SLC22A23: variants seen among roughly 807,000 people sequenced by gnomAD.
SLC22A23 encodes the protein ion transporter protein.
A neutral mutation model predicts 61.0 loss-of-function variants in SLC22A23; 26 were observed. The ratio of observed to expected loss-of-function variants is 0.43; its 90% confidence interval spans 0.31 to 0.59. The LOEUF (loss-of-function observed/expected upper bound fraction) is 0.59. Ranked by LOEUF, SLC22A23 falls within the 20% of genes least tolerant of loss-of-function variation. The pLI is 0.11. For missense variants in SLC22A23, 796 were observed against 934.7 expected, an observed-to-expected ratio of 0.85 and a Z score of 1.94; for synonymous variants, 430 against 413.9, an observed-to-expected ratio of 1.04 and a Z score of -0.47.
intron 1 of SLC22A23, chr6:3,432,422 C>T: frequency 1.0e-6 from 1 of 983,434 alleles, no homozygotes; most frequent in Non-Finnish European, 1.2e-6. Flanking sequence ...ATCTTCCTTG[C>T]TGTTGTGTAC....
At chr6:3,379,099 G>A (rs571074445) in intron 3 of SLC22A23, among the ~76,000 whole-genome samples, 1 of 152,324 alleles carries the variant, frequency 6.6e-6, no homozygotes, top group Non-Finnish European at 1.5e-5. Context: ...TTTCTCCACA[G>A]TGTAATTCTG....
chr6:3,278,560 C>T (rs1054783617), intron 9 of SLC22A23, among the ~76,000 whole-genome samples: 5 of 152,208 alleles, frequency 3.3e-5, no homozygotes, highest in Admixed American at 6.5e-5. Flanking sequence ...TCAACAGGCA[C>T]GTGCTGTTTG....
At chr6:3,392,950 C>T (rs549818137) in intron 3 of SLC22A23, among the ~76,000 whole-genome samples, 2 of 152,238 alleles carry the variant, frequency 1.3e-5, no homozygotes, top group East Asian at 3.9e-4. Flanking sequence ...TCTAGCAGAG[C>T]AGACACACAG....
At chr6:3,362,281 G>C (rs1050987922) in intron 3 of SLC22A23, among the ~76,000 whole-genome samples, 2 of 151,320 alleles carry the variant, frequency 1.3e-5, no homozygotes, top group African/African-American at 2.4e-5. Context: ...GCATGCGCCT[G>C]TAGTCCCAGC....
chr6:3,341,757 A>C (rs193016185), intron 3 of SLC22A23, among the ~76,000 whole-genome samples: 260 of 151,162 alleles, frequency 1.7e-3, no homozygotes, highest in African/African-American at 6.1e-3. Flanking sequence ...GTTGTGACCG[A>C]AGCTTCCCTG....
At chr6:3,377,235 C>T (rs937436454) in intron 3 of SLC22A23, among the ~76,000 whole-genome samples, 3 of 152,136 alleles carry the variant, frequency 2.0e-5, no homozygotes, top group African/African-American at 7.2e-5. Flanking sequence ...AAATATTTAC[C>T]ATCTGGGACA....
rs989069669 is a variant in SLC22A23, at chr6:3,322,718, G to A, written c.1082+1116C>T. On this transcript the variant is annotated intron_variant, in intron 4 of 9. Transcript: ENST00000406686. The surrounding 1 kb of genome is among the most constrained non-coding windows in gnomAD (Gnocchi z 4.1). ...CATCTACTACCAGGGCAGGGGCGGG[G>A]GGCAGTACCACTAAGCCAAAAGGTA... 6.6e-6 allele frequency among the ~76,000 whole-genome samples: 1 copy of A among 152,160 alleles called. No homozygotes were observed. The highest frequency in any genetic ancestry group is 2.1e-4 in the South Asian group (1 of 4,830).
At chr6:3,441,766 A>G (rs1771613466) in intron 1 of SLC22A23, among the ~76,000 whole-genome samples, 1 of 152,086 alleles carries the variant, frequency 6.6e-6, no homozygotes, top group Admixed American at 6.5e-5. Context: ...TGCCAGGGAT[A>G]TTCAATTTCC....
At chr6:3,432,794 G>A (rs145509741) in intron 1 of SLC22A23, among the ~76,000 whole-genome samples, 184 of 152,304 alleles carry the variant, frequency 1.2e-3, no homozygotes, top group African/African-American at 4.0e-3. Context: ...CCTACAGTTC[G>A]TTGCTCTTTT....
intron 3 of SLC22A23, among the ~76,000 whole-genome samples, chr6:3,351,576 C>T (rs1031442863): frequency 6.6e-6 from 1 of 152,168 alleles, no homozygotes; most frequent in African/African-American, 2.4e-5. Context: ...GTCAACAGCC[C>T]TCTCTGTGGC....
intron 9 of SLC22A23, 101 bp from the exon 10 acceptor site, chr6:3,273,513 G>C (rs2127279968): frequency 2.3e-6 from 3 of 1,290,060 alleles, no homozygotes; most frequent in East Asian, 4.7e-5. Flanking sequence ...CAGGGGCCCT[G>C]CTGCCCTGGG....
intron 3 of SLC22A23, among the ~76,000 whole-genome samples, chr6:3,347,415 G>A (rs1464101512): frequency 6.6e-6 from 1 of 152,046 alleles, no homozygotes; most frequent in African/African-American, 2.4e-5. Flanking sequence ...CCCAACATTG[G>A]AGCATCATCA....
At chr6:3,347,777 C>T (rs768552544) in intron 3 of SLC22A23, among the ~76,000 whole-genome samples, 10 of 152,186 alleles carry the variant, frequency 6.6e-5, no homozygotes, top group Non-Finnish European at 1.3e-4. Context: ...CTAATCTCCA[C>T]TGGAGACTCA....
chr6:3,281,048 C>A (rs910724723), intron 9 of SLC22A23, among the ~76,000 whole-genome samples: 4 of 152,208 alleles, frequency 2.6e-5, no homozygotes, highest in Non-Finnish European at 4.4e-5. Context: ...CCTCTCTCAC[C>A]TGGACCCCTC....
chr6:3,275,588 A>G (rs531901900), intron 9 of SLC22A23, among the ~76,000 whole-genome samples: 1 of 152,350 alleles, frequency 6.6e-6, no homozygotes, highest in Non-Finnish European at 1.5e-5. Flanking sequence ...TAACTAGAAT[A>G]TATAAAGAAC....
At chr6:3,445,700 G>C (rs558109744) in intron 1 of SLC22A23, among the ~76,000 whole-genome samples, 1 of 152,330 alleles carries the variant, frequency 6.6e-6, no homozygotes, top group South Asian at 2.1e-4. Context: ...CAGGAACCAA[G>C]GGGCTGAAGG....
intron 3 of SLC22A23, among the ~76,000 whole-genome samples, chr6:3,332,699 A>C (rs1477999717): frequency 6.6e-6 from 1 of 152,212 alleles, no homozygotes; most frequent in Non-Finnish European, 1.5e-5. Context: ...AAAATTAACA[A>C]TAATTCTTTA....
chr6:3,286,799 GCCCTTGGGGAT>G lies in SLC22A23; in HGVS notation c.1546+49_1546+59del. ...GGAGTCTTATGCAGCCCTTTCAAAT[GCCCTTGGGGAT>G]CTGCCAGCTTCCCTCCCTGCACCCA... On this transcript the variant is annotated intron_variant, in intron 7 of 9. Transcript: ENST00000406686. This position sits in a 1 kb window ranked among gnomAD's most constrained non-coding sequence, Gnocchi z 4.2. 1 of 1,408,052 alleles carries G rather than the reference GCCCTTGGGGAT, an allele frequency of 7.1e-7. No individual in the cohort carries two copies. The highest frequency in any genetic ancestry group is 2.0e-5 in the Admixed American group (1 of 50,592). The allele number at this position is 1,408,052 out of a possible 1,614,324, so 87.2% of individuals were successfully genotyped here.
Position 3,410,176 on chromosome 6 carries a change from G to A in SLC22A23, c.913+12C>T. Reference sequence around the variant, plus strand: ...AATTCTTTCAAGACTAGTCGTGAAGGCTCCTACTTACGTAAAGCATACAAG... The same window carrying A: ...AATTCTTTCAAGACTAGTCGTGAAGACTCCTACTTACGTAAAGCATACAAG... On this transcript the variant is annotated intron_variant, in intron 3 of 9. Transcript: ENST00000406686. The surrounding 1 kb of genome is among the most constrained non-coding windows in gnomAD (Gnocchi z 5.0). 3 of 1,602,614 alleles carry A rather than the reference G, an allele frequency of 1.9e-6. No homozygotes were observed. Among genetic ancestry groups the A allele is most frequent in the Non-Finnish European group, 2.6e-6 (3 of 1,175,458 alleles).
Sources: gnomAD v4.1 joint callset for allele counts (sites outside exome capture counted in the v4.1 genomes callset) on GRCh38, gnomAD v4.1.1 for gene constraint, Gnocchi (gnomAD v3.1) non-coding constraint, MANE v1.5 for transcripts, NCBI Gene and HGNC (gene_info 2026-07-23, HGNC 2026-07-21) for gene names.